LRRTM4: variants seen among roughly 807,000 people sequenced by gnomAD.
The protein encoded by LRRTM4 is leucine-rich repeat transmembrane neuronal protein 4.
Under a neutral mutation model 47.6 loss-of-function variants are expected in LRRTM4, and 25 were observed. The ratio of observed to expected loss-of-function variants is 0.53; its 90% CI spans 0.38 to 0.73. The LOEUF (loss-of-function observed/expected upper bound fraction) is 0.73. Among genes scored for constraint, LRRTM4 ranks in the 30% least tolerant of loss-of-function variants. LRRTM4 has a pLI of 0.00. For missense variants in LRRTM4, 638 were observed against 713.4 expected (o/e 0.89, Z 1.20); for synonymous variants, 311 against 269.5 (o/e 1.15, Z -1.51).
rs574814653 is a variant in LRRTM4 at position 76,906,180 on chromosome 2, G to A, written c.1552-157264C>T. 2.5e-3 allele frequency among the ~76,000 whole-genome samples: 382 copies of A among 152,216 alleles called. 2 individuals carry two copies. The highest frequency in any genetic ancestry group is 8.9e-3 in the African/African-American group (369 of 41,536). On this transcript the variant is annotated intron_variant, in intron 3 of 3. Coordinates refer to ENST00000409884, the MANE Select transcript of LRRTM4 (RefSeq NM_001134745.3). ...AAACTCTACAAGTCAGAAGAGACTGGGGGCCAATATTCAACATTCTTAAAG... is the reference window on the plus strand; with the variant it reads ...AAACTCTACAAGTCAGAAGAGACTGAGGGCCAATATTCAACATTCTTAAAG...
intron 3 of LRRTM4, among the ~76,000 whole-genome samples, chr2:76,874,635 T>G (rs1672727883): frequency 6.6e-6 from 1 of 151,940 alleles, no homozygotes; most frequent in African/African-American, 2.4e-5. Context: ...CATTGATCAT[T>G]GATGTTATTT....
At chr2:77,185,278 A>C (rs1673468557) in intron 3 of LRRTM4, among the ~76,000 whole-genome samples, 1 of 152,170 alleles carries the variant, frequency 6.6e-6, no homozygotes, top group Admixed American at 6.6e-5. Context: ...GAAAATCTAC[A>C]ATTGTCCAGT....
intron 3 of LRRTM4, among the ~76,000 whole-genome samples, chr2:77,013,582 A>G (rs1677952351): frequency 6.6e-6 from 1 of 152,096 alleles, no homozygotes; most frequent in Non-Finnish European, 1.5e-5. Context: ...AAAACAATTG[A>G]CAGCCTAGGC....
At chr2:77,019,439 A>G (rs899626091) in intron 3 of LRRTM4, among the ~76,000 whole-genome samples, 4 of 152,038 alleles carry the variant, frequency 2.6e-5, no homozygotes, top group Admixed American at 1.3e-4. Context: ...CTAACTTTCT[A>G]TGTGACCTCA....
chr2:76,801,418 A>T (rs1267849749), intron 3 of LRRTM4, among the ~76,000 whole-genome samples: 3 of 152,124 alleles, frequency 2.0e-5, no homozygotes, highest in Admixed American at 6.6e-5. Flanking sequence ...GCAAGAACAA[A>T]AAACCAAACA....
chr2:76,908,663 CT>C (rs1673939374), intron 3 of LRRTM4, among the ~76,000 whole-genome samples: 1 of 152,104 alleles, frequency 6.6e-6, no homozygotes, highest in African/African-American at 2.4e-5. Context: ...CACAAAATCT[CT>C]GTACAAAAAT....
In LRRTM4 at chr2:76,777,239, C is replaced by T. The variant is rs374474072; in HGVS notation, c.1552-28323G>A. Among the ~76,000 whole-genome samples the T allele has an allele frequency of 4.2e-3, 630 of 150,038 alleles. 14 individuals carry two copies. Among genetic ancestry groups the T allele is most frequent in the African/African-American group, 0.013 (547 of 40,812 alleles). ...TTGGCTTAGGATTGACTTGGCCATG[C>T]GGGCTCTTTTTTGGTTCCATATGAA... On this transcript the variant is annotated intron_variant, in intron 3 of 3. Coordinates refer to ENST00000409884, the MANE Select transcript of LRRTM4 (RefSeq NM_001134745.3).
intron 3 of LRRTM4, among the ~76,000 whole-genome samples, chr2:76,953,890 T>C (rs78812451): frequency 0.023 from 3,493 of 151,966 alleles, 171 homozygotes; most frequent in African/African-American, 0.08. Context: ...GAGAGGTCAG[T>C]AGCTTATGAC....
At chr2:77,198,865 T>C (rs1449930512) in intron 3 of LRRTM4, among the ~76,000 whole-genome samples, 1 of 152,180 alleles carries the variant, frequency 6.6e-6, no homozygotes, top group Non-Finnish European at 1.5e-5. Flanking sequence ...TTCTTAGTGC[T>C]CATCATGTTG....
intron 3 of LRRTM4, among the ~76,000 whole-genome samples, chr2:76,752,209 A>G (rs1454849036): frequency 6.6e-6 from 1 of 152,168 alleles, no homozygotes; most frequent in Non-Finnish European, 1.5e-5. Flanking sequence ...TCTACAGATG[A>G]AAATAAGTAG....
At chr2:76,955,282 T>A (rs570958632) in intron 3 of LRRTM4, among the ~76,000 whole-genome samples, 1 of 151,924 alleles carries the variant, frequency 6.6e-6, no homozygotes, top group African/African-American at 2.4e-5. Flanking sequence ...AATAGGTCAA[T>A]TGACACACAA....
chr2:76,859,833 T>G (rs1573222420), intron 3 of LRRTM4, among the ~76,000 whole-genome samples: 1 of 152,184 alleles, frequency 6.6e-6, no homozygotes, highest in East Asian at 1.9e-4. Flanking sequence ...TCAGTGGACA[T>G]AAATATTCCA....
At chr2:77,411,758 C>A (rs1279326678) in intron 3 of LRRTM4, among the ~76,000 whole-genome samples, 3 of 151,464 alleles carry the variant, frequency 2.0e-5, no homozygotes, top group Non-Finnish European at 2.9e-5. Flanking sequence ...ATGTAAGCCA[C>A]CGCGCCCGGC....
chr2:76,908,975 C>T (rs990777012), intron 3 of LRRTM4, among the ~76,000 whole-genome samples: 5 of 152,118 alleles, frequency 3.3e-5, no homozygotes, highest in Admixed American at 6.6e-5. Flanking sequence ...CCTTTCTTCA[C>T]AGAATTGGAA....
intron 3 of LRRTM4, among the ~76,000 whole-genome samples, chr2:76,760,297 C>T (rs934228088): frequency 6.6e-6 from 1 of 152,278 alleles, no homozygotes; most frequent in East Asian, 1.9e-4. Flanking sequence ...TAAAGCTGTC[C>T]ATAACCTTAA....
At chr2:77,048,159 T>C (rs571401900) in intron 3 of LRRTM4, among the ~76,000 whole-genome samples, 75 of 152,168 alleles carry the variant, frequency 4.9e-4, no homozygotes, top group Non-Finnish European at 6.3e-4. Context: ...TGAAGCAGCA[T>C]GTGCTTCTGC....
chr2:77,395,247 CT>C (rs1373654141), intron 3 of LRRTM4, among the ~76,000 whole-genome samples: 1 of 151,934 alleles, frequency 6.6e-6, no homozygotes, highest in Non-Finnish European at 1.5e-5. Context: ...CCAGGAACTT[CT>C]GTTGATAAGG....
intron 3 of LRRTM4, among the ~76,000 whole-genome samples, chr2:76,981,354 T>C (rs1676602057): frequency 1.3e-5 from 2 of 152,120 alleles, no homozygotes; most frequent in South Asian, 2.1e-4. Flanking sequence ...ACTAGGTACA[T>C]CAGACATCTC....
At chr2:77,035,288 A>C (rs1241692591) in intron 3 of LRRTM4, among the ~76,000 whole-genome samples, 1 of 151,618 alleles carries the variant, frequency 6.6e-6, no homozygotes, top group Non-Finnish European at 1.5e-5. Flanking sequence ...AACAAACAAA[A>C]AACCAGAAGA....
Sources: allele counts gnomAD v4.1 joint callset (sites outside exome capture counted in the v4.1 genomes callset), GRCh38; gene constraint gnomAD v4.1.1; transcripts MANE v1.5; gene names NCBI Gene and HGNC (gene_info 2026-07-23, HGNC 2026-07-21).